SAMD5: variants seen among roughly 807,000 people sequenced by gnomAD.
The protein encoded by SAMD5 is sterile alpha motif domain-containing protein 5.
SAMD5 carries 13 observed loss-of-function variants against 11.3 expected under a neutral mutation model. The ratio of observed to expected loss-of-function variants is 1.15; its 90% CI spans 0.75 to 1.83. The LOEUF is 1.83. SAMD5 is among the 40% of genes most tolerant of loss of function. SAMD5 has a pLI of 0.00. For synonymous variants in SAMD5, 129 were observed against 111.3 expected (o/e 1.16, Z -1.00); for missense variants, 255 against 239.1 (o/e 1.07, Z -0.44).
chr6:147,642,673 C>A lies in SAMD5; in HGVS notation c.163-94644C>A, dbSNP rs118020075. ...AAAATAAAACAGTGTTTTATTGAAA[C>A]ATCAATAGGAAAGCATATAAACTGA... On this transcript the variant is annotated intron_variant, in intron 1 of 1. Coordinates refer to the SAMD5 transcript ENST00000566741. 3.9e-4 allele frequency among the ~76,000 whole-genome samples: 60 copies of A among 152,254 alleles called. No homozygotes were observed. The East Asian group carries it at 0.012, about 29-fold the overall frequency.
intron 1 of SAMD5, among the ~76,000 whole-genome samples, chr6:147,580,689 G>T (rs1413434044): frequency 1.3e-5 from 2 of 152,196 alleles, no homozygotes; most frequent in Non-Finnish European, 2.9e-5. Context: ...ATTAGCACAG[G>T]TCTAGATGTT....
At chr6:147,745,132 C>G in the SAMD5 span, among the ~76,000 whole-genome samples, 1 of 151,928 alleles carries the variant, frequency 6.6e-6, no homozygotes, top group Non-Finnish European at 1.5e-5. Flanking sequence ...TATTTTAGAG[C>G]TATATACACA....
At chr6:147,678,581 A>T (rs576481124) in intron 1 of SAMD5, among the ~76,000 whole-genome samples, 1 of 152,276 alleles carries the variant, frequency 6.6e-6, no homozygotes, top group Non-Finnish European at 1.5e-5. Context: ...AGGCAGAAAG[A>T]TGGGGGACCT....
At chr6:147,873,041 A>C in the SAMD5 span, among the ~76,000 whole-genome samples, 1 of 152,188 alleles carries the variant, frequency 6.6e-6, no homozygotes, top group Admixed American at 6.5e-5. Context: ...TTGCCCTTAA[A>C]AATTGCACTC....
chr6:147,565,250 G>T lies in SAMD5; in HGVS notation c.*794G>T. 1.0e-6 allele frequency: 1 copy of T among 985,884 alleles called. No homozygotes were observed. The highest frequency in any genetic ancestry group is 1.2e-6 in the Non-Finnish European group (1 of 829,970). The allele number at this position is 985,884 out of a possible 1,614,324, so 61.1% of individuals were successfully genotyped here. Reference sequence around the variant, plus strand: ...CTGCCAGGGCCGCAGCTCACAGCCTGTTCTGAGCTGCAGTGCTTTATCCCA... The same window carrying T: ...CTGCCAGGGCCGCAGCTCACAGCCTTTTCTGAGCTGCAGTGCTTTATCCCA... On this transcript the variant is annotated 3_prime_UTR_variant, in exon 2 of 2. Coordinates refer to ENST00000367474, the MANE Select transcript of SAMD5 (RefSeq NM_001030060.3).
At chr6:147,648,640 T>C (rs1016805451) in intron 1 of SAMD5, among the ~76,000 whole-genome samples, 2 of 152,192 alleles carry the variant, frequency 1.3e-5, no homozygotes, top group African/African-American at 4.8e-5. Flanking sequence ...TAAACAGTAG[T>C]CTCAACTTTG....
the SAMD5 span, among the ~76,000 whole-genome samples, chr6:147,795,149 T>A: frequency 6.7e-6 from 1 of 149,148 alleles, no homozygotes; most frequent in Admixed American, 6.7e-5. Flanking sequence ...TGTGCCATGC[T>A]GGTGTGCTGC....
At chr6:147,601,331 T>C (rs530867385) in intron 1 of SAMD5, among the ~76,000 whole-genome samples, 67 of 149,294 alleles carry the variant, frequency 4.5e-4, no homozygotes, top group African/African-American at 1.4e-3. Flanking sequence ...CTGAACACCA[T>C]AAATCAGATT....
the SAMD5 span, among the ~76,000 whole-genome samples, chr6:147,786,873 A>G: frequency 6.6e-6 from 1 of 152,230 alleles, no homozygotes; most frequent in Non-Finnish European, 1.5e-5. Context: ...TAGTTTAACT[A>G]CAAGGCATGA....
In SAMD5 at chr6:147,728,442, A is replaced by G. The variant is rs151084069; in HGVS notation, c.163-8875A>G. 1.1e-3 allele frequency among the ~76,000 whole-genome samples: 160 copies of G among 152,216 alleles called. 3 individuals carry two copies. The highest frequency in any genetic ancestry group is 3.6e-3 in the African/African-American group (150 of 41,548). ...CAAAGAAGAAACAAACAAACAAACA[A>G]ACCAGTTATCATTTGTCTCCTGAGG... is the stretch of plus-strand genomic sequence containing the variant. On this transcript the variant is annotated intron_variant, in intron 1 of 1. Transcript: ENST00000566741.
At chr6:147,872,132 G>T in the SAMD5 span, among the ~76,000 whole-genome samples, 1 of 152,080 alleles carries the variant, frequency 6.6e-6, no homozygotes, top group Non-Finnish European at 1.5e-5. Context: ...TTAAGACATG[G>T]TCTTGCTCTG....
intron 1 of SAMD5, among the ~76,000 whole-genome samples, chr6:147,518,500 T>G (rs1301655551): frequency 1.3e-5 from 2 of 152,192 alleles, no homozygotes; most frequent in Non-Finnish European, 2.9e-5. Flanking sequence ...AGATTCTAGT[T>G]CACCAGAAAT....
chr6:147,677,083 T>C (rs1182101780), intron 1 of SAMD5, among the ~76,000 whole-genome samples: 1 of 152,174 alleles, frequency 6.6e-6, no homozygotes, highest in Non-Finnish European at 1.5e-5. Flanking sequence ...TCTTCAGAGC[T>C]ACCGACAATG....
At chr6:147,521,441 G>GT (rs1395786181) in intron 1 of SAMD5, among the ~76,000 whole-genome samples, 1 of 152,050 alleles carries the variant, frequency 6.6e-6, no homozygotes, top group African/African-American at 2.4e-5. Context: ...GTCCAGAAGT[G>GT]TAAAATTCTT....
At chr6:147,952,029 T>C in the SAMD5 span, among the ~76,000 whole-genome samples, 6 of 152,128 alleles carry the variant, frequency 3.9e-5, no homozygotes, top group East Asian at 1.9e-4. Flanking sequence ...AAGCTAGAAA[T>C]TGGTTTTGGT....
chr6:147,843,480 AT>A, the SAMD5 span, among the ~76,000 whole-genome samples: 35 of 151,912 alleles, frequency 2.3e-4, no homozygotes, highest in African/African-American at 7.0e-4. Flanking sequence ...CTTCACAGAA[AT>A]TTTTTTTTAA....
At chr6:147,748,118 AC>A in the SAMD5 span, among the ~76,000 whole-genome samples, 1 of 152,208 alleles carries the variant, frequency 6.6e-6, no homozygotes, top group Non-Finnish European at 1.5e-5. Context: ...TTATATTTTC[AC>A]CTTGGTAAGT....
intron 1 of SAMD5, among the ~76,000 whole-genome samples, chr6:147,655,744 T>C (rs890914841): frequency 6.6e-6 from 1 of 152,352 alleles, no homozygotes; most frequent in Non-Finnish European, 1.5e-5. Context: ...TGTAGTTTTC[T>C]AGTTACAAAG....
At chr6:147,607,149 A>T (rs1435124242) in intron 1 of SAMD5, among the ~76,000 whole-genome samples, 1 of 152,142 alleles carries the variant, frequency 6.6e-6, no homozygotes, top group Admixed American at 6.6e-5. Flanking sequence ...ATTAACTCTC[A>T]TAGAAGTTTG....
Sources: gnomAD v4.1 joint callset for allele counts (sites outside exome capture counted in the v4.1 genomes callset) on GRCh38, gnomAD v4.1.1 for gene constraint, MANE v1.5 for transcripts, NCBI Gene and HGNC (gene_info 2026-07-23, HGNC 2026-07-21) for gene names.